Variants in MCM9 observed in about 807,000 individuals in gnomAD.
MCM9 encodes minichromosome maintenance 9 homologous recombination repair factor.
A neutral mutation model predicts 72.8 loss-of-function variants in MCM9; 55 were observed. The observed-to-expected ratio is 0.76, with a 90% CI of 0.61 to 0.95. The LOEUF is 0.95. Ranked by LOEUF, MCM9 falls within the 40% of genes least tolerant of loss-of-function variation. The pLI, the probability that MCM9 is intolerant of heterozygous loss-of-function variation, is 0.00. For synonymous variants in MCM9, 480 were observed against 503.4 expected, an observed-to-expected ratio of 0.95 and a Z score of 0.62; for missense variants, 1,279 against 1,377.0, an observed-to-expected ratio of 0.93 and a Z score of 1.13.
chr6:118,838,304 A>G (rs1775107563), intron 9 of MCM9, among the ~76,000 whole-genome samples: 1 of 151,922 alleles, frequency 6.6e-6, no homozygotes, highest in African/African-American at 2.4e-5. Context: ...ATGGGACTAC[A>G]GGCACCCGCC....
chr6:118,891,941 C>G (rs1778973386), intron 8 of MCM9, among the ~76,000 whole-genome samples: 1 of 152,190 alleles, frequency 6.6e-6, no homozygotes, highest in Non-Finnish European at 1.5e-5. Context: ...AAGACATTCA[C>G]AGTGACCCAT....
At chr6:118,827,412 A>G (rs186311892) in intron 11 of MCM9, among the ~76,000 whole-genome samples, 2 of 152,296 alleles carry the variant, frequency 1.3e-5, no homozygotes, top group African/African-American at 4.8e-5. Flanking sequence ...ATTTAAACAA[A>G]AGCTAAAATG....
chr6:118,878,591 T>C (rs563622367), intron 8 of MCM9, among the ~76,000 whole-genome samples: 24 of 152,220 alleles, frequency 1.6e-4, no homozygotes, highest in African/African-American at 5.3e-4. Flanking sequence ...TAGAATTACA[T>C]TGTAACAAAT....
At position 118,829,030 on chromosome 6, in the gene MCM9, T is replaced by G; in HGVS notation, c.1528+18A>C. On this transcript the variant is annotated intron_variant, in intron 10 of 13. Transcript: ENST00000619706. Reference sequence around the variant, plus strand: ...TAATCTCTCTGTTATTTTGAATGCTTTGTTTGTCTTCACGTACCTTTATTT... The same window carrying G: ...TAATCTCTCTGTTATTTTGAATGCTGTGTTTGTCTTCACGTACCTTTATTT... The G allele has an allele frequency of 6.5e-7, 1 of 1,546,490 alleles. No individual in the cohort carries two copies. The highest frequency in any genetic ancestry group is 8.7e-7 in the Non-Finnish European group (1 of 1,144,684).
chr6:118,874,202 C>T (rs1217465949), intron 8 of MCM9, among the ~76,000 whole-genome samples: 2 of 152,110 alleles, frequency 1.3e-5, no homozygotes, highest in African/African-American at 2.4e-5. Flanking sequence ...TTGCAGCGAG[C>T]CAAGACTGAG....
chr6:118,922,139 TC>T, intron 4 of MCM9, 53 bp from the exon 5 acceptor site: 1 of 1,361,880 alleles, frequency 7.3e-7, no homozygotes, highest in Non-Finnish European at 1.0e-6. Context: ...ATGTTAAGTA[TC>T]CAGAAGTCTA....
chr6:118,831,381 A>G lies in MCM9; in HGVS notation c.1326-2131T>C, dbSNP rs149255458. Among the ~76,000 whole-genome samples the G allele has an allele frequency of 5.3e-5, 8 of 152,092 alleles. No homozygotes were observed. The East Asian group carries it at 1.5e-3, about 29-fold the overall frequency. ...AAAAAAGTTGGGGGTGGGGAGAACT[A>G]ACAAAAATTTGTATGCAAAGAAAAA... On this transcript the variant is annotated intron_variant, in intron 9 of 13. Transcript: ENST00000619706.
At position 118,815,001 on chromosome 6, in the gene MCM9, G is replaced by A. The variant is rs1773319562; in HGVS notation, c.3255C>T (p.Gly1085=). The change falls in exon 14 of 14, where the codon GGC becomes GGT. Residue 1085 remains glycine (G), a synonymous_variant. Coordinates refer to ENST00000619706, the MANE Select transcript of MCM9 (RefSeq NM_017696.3). Reference sequence around the variant, plus strand: ...CTGTGGTTGTAGGAGGGGAGCTTGGGCCTCTCTCACCTCGGTTCTTCCTTT... The same window carrying A: ...CTGTGGTTGTAGGAGGGGAGCTTGGACCTCTCTCACCTCGGTTCTTCCTTT... ...PPERKNRGER[G]PSSPPTTTAP... is the part of the protein sequence containing the mutation. The A allele has an allele frequency of 1.9e-6, 3 of 1,550,324 alleles. No individual in the cohort carries two copies. The highest frequency in any genetic ancestry group is 2.6e-6 in the Non-Finnish European group (3 of 1,146,914).
intron 6 of MCM9, among the ~76,000 whole-genome samples, chr6:118,915,016 G>T (rs1011400468): frequency 3.3e-5 from 5 of 152,142 alleles, no homozygotes; most frequent in Non-Finnish European, 5.9e-5. Context: ...GGCATATAGT[G>T]GGAACTACTT....
chr6:118,828,246 GT>G, intron 10 of MCM9, 116 bp from the exon 11 acceptor site: 1 of 842,172 alleles, frequency 1.2e-6, no homozygotes. Context: ...ATGTTTTGTG[GT>G]TATTGAAATC....
At chr6:118,845,981 T>G (rs927949314) in intron 9 of MCM9, among the ~76,000 whole-genome samples, 1 of 151,824 alleles carries the variant, frequency 6.6e-6, no homozygotes, top group Non-Finnish European at 1.5e-5. Flanking sequence ...TTTGAGCTCT[T>G]CAAAATAATT....
chr6:118,839,997 T>G (rs36127776), intron 9 of MCM9, among the ~76,000 whole-genome samples: 107,580 of 151,960 alleles, frequency 0.71, 39,404 homozygotes, highest in South Asian at 0.8. Flanking sequence ...CAGGAAAGTT[T>G]AAGCCTGCTG....
chr6:118,857,295 AG>A (rs1158314780), intron 8 of MCM9, among the ~76,000 whole-genome samples: 1 of 152,236 alleles, frequency 6.6e-6, no homozygotes, highest in Non-Finnish European at 1.5e-5. Context: ...ATATGAGGGA[AG>A]GGATTCTCTT....
intron 8 of MCM9, among the ~76,000 whole-genome samples, chr6:118,861,240 G>A (rs538097157): frequency 6.6e-6 from 1 of 152,330 alleles, no homozygotes; most frequent in Non-Finnish European, 1.5e-5. Context: ...ACACGATGGT[G>A]CCCAAAAACT....
At chr6:118,924,481 A>T (rs1324044252) in intron 3 of MCM9, among the ~76,000 whole-genome samples, 4 of 152,224 alleles carry the variant, frequency 2.6e-5, no homozygotes, top group Non-Finnish European at 4.4e-5. Flanking sequence ...GCATTTAACA[A>T]AAAATATATT....
rs1330423421 is a variant in MCM9 at position 118,917,774 on chromosome 6, A to T, written c.704-13T>A. ...GTGAGGTCATCACCTAGGAAAAAGCATCAAGTGAGTCCAGCAGTAGCATCC... is the reference window on the plus strand; with the variant it reads ...GTGAGGTCATCACCTAGGAAAAAGCTTCAAGTGAGTCCAGCAGTAGCATCC... On this transcript the variant is annotated splice_polypyrimidine_tract_variant and intron_variant, in intron 5 of 13. Coordinates refer to ENST00000619706, the MANE Select transcript of MCM9 (RefSeq NM_017696.3). 6.2e-7 allele frequency: 1 copy of T among 1,612,120 alleles called. No individual in the cohort carries two copies. The highest frequency in any genetic ancestry group is 1.1e-5 in the South Asian group (1 of 91,050).
intron 6 of MCM9, among the ~76,000 whole-genome samples, chr6:118,916,432 C>CATTATTATA: frequency 7.0e-6 from 1 of 142,394 alleles, no homozygotes; most frequent in East Asian, 2.0e-4. Context: ...GAAATGGAAG[C>CATTATTATA]ATTATTATTA....
chr6:118,860,337 T>C (rs1174561396), intron 8 of MCM9, among the ~76,000 whole-genome samples: 3 of 152,146 alleles, frequency 2.0e-5, no homozygotes, highest in Non-Finnish European at 2.9e-5. Flanking sequence ...CTAACAAAGA[T>C]AAAGAATGCC....
intron 9 of MCM9, among the ~76,000 whole-genome samples, chr6:118,830,139 C>T (rs974649139): frequency 6.6e-6 from 1 of 152,072 alleles, no homozygotes; most frequent in Non-Finnish European, 1.5e-5. Context: ...TAATGATGGG[C>T]TAGTTCTCAA....
Sources: gnomAD v4.1 joint callset for allele counts (sites outside exome capture counted in the v4.1 genomes callset) on GRCh38, gnomAD v4.1.1 for gene constraint, MANE v1.5 for transcripts, NCBI Gene and HGNC (gene_info 2026-07-23, HGNC 2026-07-21) for gene names.